MAP2K6: variants seen among roughly 807,000 people sequenced by gnomAD.
MAP2K6 encodes the protein mitogen-activated protein kinase kinase 6, also known as dual specificity mitogen-activated protein kinase kinase 6.
In MAP2K6, 16 loss-of-function variants were observed where a neutral mutation model predicts 53.7. The observed-to-expected ratio is 0.30, with a 90% CI of 0.20 to 0.45. The LOEUF (loss-of-function observed/expected upper bound fraction) is 0.45, where lower values mean the gene tolerates loss of function less well. MAP2K6 is among the 20% of genes least tolerant of loss of function. The pLI is 1.00. For missense variants in MAP2K6, 204 were observed against 411.9 expected, an observed-to-expected ratio of 0.50 and a Z score of 4.37; for synonymous variants, 132 against 143.1, an observed-to-expected ratio of 0.92 and a Z score of 0.55.
Position 69,548,834 on chromosome 17 carries a change from C to A in MAP2K6, c.*7081C>A, listed in dbSNP as rs539366828. ...TTTTTCTAATGAAGTAGTTTGAAAT[C>A]AAGGCTTTAGTGGAAGGTAATCTTT... On this transcript the variant is annotated 3_prime_UTR_variant, in exon 12 of 12. Transcript: ENST00000590474. The A allele has an allele frequency of 6.6e-6, 1 of 152,294 alleles. No individual in the cohort carries two copies. Among genetic ancestry groups the A allele is most frequent in the South Asian group, 2.1e-4 (1 of 4,822 alleles). The allele number at this position is 152,294 out of a possible 1,614,324, so 9.4% of individuals were successfully genotyped here. A position where few individuals can be genotyped will look rare whatever the true frequency, so the allele number is the denominator to read the frequency against.
chr17:69,505,863 A>G lies in MAP2K6; in HGVS notation c.83+17A>G, dbSNP rs749951316. On this transcript the variant is annotated intron_variant, in intron 2 of 11. Coordinates refer to ENST00000590474, the MANE Select transcript of MAP2K6 (RefSeq NM_002758.4). ...CAGTTCCACGTAAGTTGACAAGACC[A>G]TCATCTGAATCCAAATCCTTGTGCT... The G allele has an allele frequency of 2.5e-6, 4 of 1,607,802 alleles. No homozygotes were observed. The highest frequency in any genetic ancestry group is 1.7e-5 in the Admixed American group (1 of 59,776).
chr17:69,435,287 A>C (rs529401676), intron 1 of MAP2K6: 4 of 152,294 alleles, frequency 2.6e-5, no homozygotes, highest in African/African-American at 9.6e-5. Flanking sequence ...CTGTAATCCC[A>C]GCACTTTGGG....
At chr17:69,479,139 C>A (rs1908260998) in intron 1 of MAP2K6, among the ~76,000 whole-genome samples, 1 of 152,138 alleles carries the variant, frequency 6.6e-6, no homozygotes, top group South Asian at 2.1e-4. Context: ...CCGGTGATCA[C>A]AGCTTCTGCC....
chr17:69,482,077 G>T (rs1908369210), intron 1 of MAP2K6, among the ~76,000 whole-genome samples: 1 of 152,104 alleles, frequency 6.6e-6, no homozygotes, highest in Non-Finnish European at 1.5e-5. Flanking sequence ...AAACTGTAAA[G>T]TTAACTATTC....
intron 1 of MAP2K6, among the ~76,000 whole-genome samples, chr17:69,459,335 A>AT (rs1907532293): frequency 6.6e-6 from 1 of 152,192 alleles, no homozygotes; most frequent in Non-Finnish European, 1.5e-5. Flanking sequence ...GAGTAACTAA[A>AT]TAAGTCATTA....
At chr17:69,477,813 G>T (rs894642902) in intron 1 of MAP2K6, among the ~76,000 whole-genome samples, 1 of 152,126 alleles carries the variant, frequency 6.6e-6, no homozygotes, top group Non-Finnish European at 1.5e-5. Flanking sequence ...TCCTGCTTTG[G>T]GCCTGGTATT....
chr17:69,500,363 G>T (rs1410446143), intron 1 of MAP2K6, among the ~76,000 whole-genome samples: 1 of 147,228 alleles, frequency 6.8e-6, no homozygotes, highest in African/African-American at 2.5e-5. Context: ...CATGAGAATT[G>T]CTTGAACGTG....
At chr17:69,505,111 C>T (rs1909393631) in intron 1 of MAP2K6, among the ~76,000 whole-genome samples, 1 of 151,336 alleles carries the variant, frequency 6.6e-6, no homozygotes, top group African/African-American at 2.4e-5. Context: ...CAAGTGTCTG[C>T]CATCACCATT....
At chr17:69,471,022 C>A (rs1907965565) in intron 1 of MAP2K6, among the ~76,000 whole-genome samples, 1 of 152,190 alleles carries the variant, frequency 6.6e-6, no homozygotes. Flanking sequence ...ACAGTACCTG[C>A]ACACAGGAAG....
Position 69,548,653 on chromosome 17 carries a change from G to C in MAP2K6, c.*6900G>C, listed in dbSNP as rs2144889786. On this transcript the variant is annotated 3_prime_UTR_variant, in exon 12 of 12. Transcript: ENST00000590474. ...CTAGGGAAATAAAACCTGAATTTCA[G>C]AGCCTTCAAAATGAAATTATCCTTC... 1 of 152,282 alleles carries C rather than the reference G, an allele frequency of 6.6e-6. No individual in the cohort carries two copies. Among genetic ancestry groups the C allele is most frequent in the East Asian group, 1.9e-4 (1 of 5,182 alleles). 9.4% of individuals were successfully genotyped at this position (152,282 alleles called of 1,614,324 possible). A position where few individuals can be genotyped will look rare whatever the true frequency, so the allele number is the denominator to read the frequency against.
intron 10 of MAP2K6, among the ~76,000 whole-genome samples, chr17:69,534,099 T>TA (rs935244654): frequency 6.6e-6 from 1 of 152,178 alleles, no homozygotes; most frequent in African/African-American, 2.4e-5. Context: ...CCCTGGCCTC[T>TA]ACCTATTAGA....
intron 2 of MAP2K6, among the ~76,000 whole-genome samples, chr17:69,510,168 G>T (rs963949205): frequency 3.9e-5 from 6 of 152,004 alleles, no homozygotes; most frequent in African/African-American, 1.4e-4. Context: ...TTATGAATGG[G>T]TATTGAATCT....
In MAP2K6 at chr17:69,506,417, T is replaced by A. The variant is rs75456276; in HGVS notation, c.83+571T>A. On this transcript the variant is annotated intron_variant, in intron 2 of 11. Coordinates refer to ENST00000590474, the MANE Select transcript of MAP2K6 (RefSeq NM_002758.4). ...AGGATGTCTCCTTCTTGTTTTTTTT[T>A]TTTTTATTTTTATTTTTTATCTGTC... is the stretch of plus-strand genomic sequence containing the variant. Among the ~76,000 whole-genome samples the A allele has an allele frequency of 2.9e-3, 446 of 152,106 alleles. 3 individuals are homozygous for A. The highest frequency in any genetic ancestry group is 7.7e-3 in the African/African-American group (318 of 41,482).
At chr17:69,444,241 G>A (rs561335547) in intron 1 of MAP2K6, among the ~76,000 whole-genome samples, 14 of 152,274 alleles carry the variant, frequency 9.2e-5, no homozygotes, top group African/African-American at 3.4e-4. Flanking sequence ...TATTGTGAAT[G>A]GAAAGGTTGA....
intron 10 of MAP2K6, among the ~76,000 whole-genome samples, chr17:69,529,232 C>G (rs1910948541): frequency 6.6e-6 from 1 of 152,118 alleles, no homozygotes; most frequent in Non-Finnish European, 1.5e-5. Context: ...GGCCAAGATA[C>G]TAATATATTT....
At chr17:69,472,942 A>G (rs1197001518) in intron 1 of MAP2K6, among the ~76,000 whole-genome samples, 1 of 152,180 alleles carries the variant, frequency 6.6e-6, no homozygotes, top group Non-Finnish European at 1.5e-5. Flanking sequence ...CCTGGACTCA[A>G]GTGATCCACA....
At chr17:69,497,740 A>G (rs1455361357) in intron 1 of MAP2K6, among the ~76,000 whole-genome samples, 1 of 152,214 alleles carries the variant, frequency 6.6e-6, no homozygotes, top group Non-Finnish European at 1.5e-5. Context: ...GCTTCTCCTT[A>G]CAAAGATATT....
intron 1 of MAP2K6, among the ~76,000 whole-genome samples, chr17:69,500,728 G>A (rs1174611559): frequency 2.0e-5 from 3 of 150,632 alleles, no homozygotes; most frequent in African/African-American, 7.3e-5. Context: ...TGTACTCCAG[G>A]CTGGGTGACA....
At chr17:69,465,477 C>T (rs1398708299) in intron 1 of MAP2K6, among the ~76,000 whole-genome samples, 4 of 152,188 alleles carry the variant, frequency 2.6e-5, no homozygotes, top group African/African-American at 7.2e-5. Flanking sequence ...GTTTGTGAAG[C>T]GACCTACTGT....
Sources: allele counts gnomAD v4.1 joint callset (sites outside exome capture counted in the v4.1 genomes callset), GRCh38; gene constraint gnomAD v4.1.1; transcripts MANE v1.5; gene names NCBI Gene and HGNC (gene_info 2026-07-23, HGNC 2026-07-21).